Variants in CNTN3 observed in about 807,000 individuals in gnomAD.
The protein encoded by CNTN3 is contactin-3.
In CNTN3, 60 loss-of-function variants were observed where a neutral mutation model predicts 119.1. That is an observed-to-expected ratio of 0.50 (90% CI 0.41 to 0.62). The LOEUF is 0.62. Ranked by LOEUF, CNTN3 falls within the 20% of genes least tolerant of loss-of-function variation. CNTN3 has a pLI of 0.00. For missense variants in CNTN3, 1,101 were observed against 1,242.4 expected (o/e 0.89, Z 1.71); for synonymous variants, 450 against 438.7 (o/e 1.03, Z -0.32).
Position 74,358,134 on chromosome 3 carries a change from C to T in CNTN3, c.1364+3756G>A, listed in dbSNP as rs150295909. 2.6e-5 allele frequency among the ~76,000 whole-genome samples: 4 copies of T among 152,222 alleles called. No individual in the cohort carries two copies. The East Asian group carries it at 5.8e-4, about 22-fold the overall frequency. ...CTCCCTAAGCATCAAGGCCCTGGCT[C>T]GTCAGTGTTTTTTGCTGTCCAAAAA... On this transcript the variant is annotated intron_variant, in intron 11 of 22. Coordinates refer to ENST00000263665, the MANE Select transcript of CNTN3 (RefSeq NM_020872.3).
At chr3:74,294,373 C>A (rs577375024) in intron 19 of CNTN3, among the ~76,000 whole-genome samples, 26 of 152,282 alleles carry the variant, frequency 1.7e-4, no homozygotes, top group African/African-American at 5.3e-4. Flanking sequence ...GTGACCTGGT[C>A]CTCCCATGCC....
At chr3:74,346,974 T>C (rs1703706371) in intron 11 of CNTN3, among the ~76,000 whole-genome samples, 1 of 152,212 alleles carries the variant, frequency 6.6e-6, no homozygotes, top group South Asian at 2.1e-4. Flanking sequence ...TACGTACTTT[T>C]AAGACATGGG....
chr3:74,573,517 T>C (rs960162420), intron 1 of CNTN3, among the ~76,000 whole-genome samples: 3 of 152,102 alleles, frequency 2.0e-5, no homozygotes, highest in Admixed American at 6.6e-5. Context: ...ACTCAGAGAA[T>C]GGGACAAAAT....
At chr3:74,594,549 T>G (rs1050234361) in intron 1 of CNTN3, among the ~76,000 whole-genome samples, 1 of 151,740 alleles carries the variant, frequency 6.6e-6, no homozygotes, top group African/African-American at 2.4e-5. Flanking sequence ...CGGTGTTTGG[T>G]TTTTTGTCCT....
intron 13 of CNTN3, among the ~76,000 whole-genome samples, chr3:74,334,264 A>G (rs1703336071): frequency 6.6e-6 from 1 of 152,100 alleles, no homozygotes; most frequent in South Asian, 2.1e-4. Context: ...CAGTTTGTGC[A>G]CCTGTACAAT....
At chr3:74,594,179 T>C (rs556936070) in intron 1 of CNTN3, among the ~76,000 whole-genome samples, 1 of 151,932 alleles carries the variant, frequency 6.6e-6, no homozygotes, top group East Asian at 1.9e-4. Context: ...TGTTAGGCTC[T>C]AGAGTTGTTT....
At chr3:74,574,719 C>T (rs1704387146) in intron 1 of CNTN3, among the ~76,000 whole-genome samples, 1 of 152,078 alleles carries the variant, frequency 6.6e-6, no homozygotes, top group East Asian at 1.9e-4. Flanking sequence ...GGGTTAACTT[C>T]AAGTTGCATT....
chr3:74,367,716 T>G (rs948348825), intron 8 of CNTN3, among the ~76,000 whole-genome samples: 1 of 152,072 alleles, frequency 6.6e-6, no homozygotes, highest in Non-Finnish European at 1.5e-5. Flanking sequence ...GATGATAAGG[T>G]AATTAAATGA....
intron 1 of CNTN3, among the ~76,000 whole-genome samples, chr3:74,534,605 C>T (rs1024453539): frequency 2.0e-5 from 3 of 151,962 alleles, no homozygotes; most frequent in South Asian, 2.1e-4. Flanking sequence ...AGAAACTATT[C>T]AGATATACTG....
intron 8 of CNTN3, among the ~76,000 whole-genome samples, chr3:74,366,759 C>CAT (rs1704198232): frequency 1.3e-5 from 1 of 79,062 alleles, no homozygotes; most frequent in Non-Finnish European, 2.4e-5. Context: ...TGTGTGTGTG[C>CAT]GTGTGTGTGT....
At chr3:74,594,546 T>C (rs76980213) in intron 1 of CNTN3, among the ~76,000 whole-genome samples, 41,054 of 151,704 alleles carry the variant, frequency 0.27, 6,804 homozygotes, top group Non-Finnish European at 0.38. Context: ...ATGCGGTGTT[T>C]GGTTTTTTGT....
rs946043067 is a variant in CNTN3, at chr3:74,424,958, C to G, written c.359-18G>C. The G allele has an allele frequency of 6.5e-7, 1 of 1,528,960 alleles. No individual in the cohort carries two copies. The highest frequency in any genetic ancestry group is 1.4e-5 in the African/African-American group (1 of 71,828). The allele number at this position is 1,528,960 out of a possible 1,614,324, so 94.7% of individuals were successfully genotyped here. A position where few individuals can be genotyped will look rare whatever the true frequency, so the allele number is the denominator to read the frequency against. On this transcript the variant is annotated intron_variant, in intron 4 of 22. Coordinates refer to ENST00000263665, the MANE Select transcript of CNTN3 (RefSeq NM_020872.3). The stretch of plus-strand genomic sequence containing the variant: ...TTCAAGATCTGATTTGAAAACAAAA[C>G]AAAACTGAATTTTAGAAAGACCAAT...
At chr3:74,296,799 T>C (rs534210491) in intron 18 of CNTN3, among the ~76,000 whole-genome samples, 1 of 152,324 alleles carries the variant, frequency 6.6e-6, no homozygotes, top group Non-Finnish European at 1.5e-5. Context: ...TGCCTATATT[T>C]TTTATTTGAA....
chr3:74,594,622 G>C (rs1422324801), intron 1 of CNTN3, among the ~76,000 whole-genome samples: 1 of 152,116 alleles, frequency 6.6e-6, no homozygotes, highest in Non-Finnish European at 1.5e-5. Context: ...CAAAGGACAT[G>C]AACTCATCAT....
intron 5 of CNTN3, among the ~76,000 whole-genome samples, chr3:74,406,146 T>A (rs1191375084): frequency 6.6e-6 from 1 of 152,082 alleles, no homozygotes; most frequent in East Asian, 1.9e-4. Flanking sequence ...CAAAATATAA[T>A]GTTGAAAGGT....
chr3:74,545,985 A>G (rs1478752966), intron 1 of CNTN3, among the ~76,000 whole-genome samples: 1 of 151,674 alleles, frequency 6.6e-6, no homozygotes, highest in Non-Finnish European at 1.5e-5. Context: ...CATTTCTTGA[A>G]CTTTTTCCTT....
chr3:74,331,966 A>C (rs187217770), intron 13 of CNTN3, among the ~76,000 whole-genome samples: 1 of 152,318 alleles, frequency 6.6e-6, no homozygotes, highest in Non-Finnish European at 1.5e-5. Context: ...AAACAAATGA[A>C]TGGCTGTTGA....
chr3:74,391,547 C>A (rs1320560817), intron 5 of CNTN3, among the ~76,000 whole-genome samples: 1 of 139,660 alleles, frequency 7.2e-6, no homozygotes, highest in African/African-American at 2.7e-5. Context: ...ATTTTGTACT[C>A]CCATAGTTTC....
intron 10 of CNTN3, among the ~76,000 whole-genome samples, chr3:74,363,728 A>G (rs72894345): frequency 1.9e-3 from 283 of 152,230 alleles, no homozygotes; most frequent in African/African-American, 6.6e-3. Context: ...AGAACCTGAT[A>G]ATAGTGATGA....
Sources: allele counts gnomAD v4.1 joint callset (sites outside exome capture counted in the v4.1 genomes callset), GRCh38; gene constraint gnomAD v4.1.1; transcripts MANE v1.5; gene names NCBI Gene and HGNC (gene_info 2026-07-23, HGNC 2026-07-21).